The following PDE1C variants were observed in gnomAD, a reference collection of about 807,000 sequenced individuals.
PDE1C encodes dual specificity calcium/calmodulin-dependent 3',5'-cyclic nucleotide phosphodiesterase 1C.
A neutral mutation model predicts 93.1 loss-of-function variants in PDE1C; 62 were observed. The observed-to-expected ratio is 0.67, with a 90% CI of 0.54 to 0.82. The LOEUF is 0.82. Ranked by LOEUF, PDE1C falls within the 40% of genes least tolerant of loss-of-function variation. The probability of loss-of-function intolerance (pLI) is 0.00; values close to 1 mark genes in which losing one functional copy is unlikely to be tolerated. For missense variants in PDE1C, 742 were observed against 884.6 expected (o/e 0.84, Z 2.04); for synonymous variants, 325 against 310.1 (o/e 1.05, Z -0.50).
chr7:32,084,201 C>A (rs1179757121), intron 3 of PDE1C, among the ~76,000 whole-genome samples: 2 of 151,884 alleles, frequency 1.3e-5, no homozygotes, highest in African/African-American at 4.8e-5. Flanking sequence ...GGGTTGCAAT[C>A]CTAGTCTCTG....
chr7:32,279,407 A>C (rs1422459358), intron 1 of PDE1C, among the ~76,000 whole-genome samples: 1 of 152,122 alleles, frequency 6.6e-6, no homozygotes, highest in East Asian at 1.9e-4. Flanking sequence ...ATTGCACAGT[A>C]GGGTGATTGT....
At chr7:31,846,233 C>CTTTTTTTTTTTTT (rs371624212) in intron 9 of PDE1C, among the ~76,000 whole-genome samples, 1 of 129,964 alleles carries the variant, frequency 7.7e-6, no homozygotes. Flanking sequence ...CTTTTTTTTT[C>CTTTTTTTTTTTTT]TTTTTTTTTT....
At chr7:32,388,554 T>A (rs1470099047) in intron 1 of PDE1C, among the ~76,000 whole-genome samples, 1 of 151,644 alleles carries the variant, frequency 6.6e-6, no homozygotes, top group Non-Finnish European at 1.5e-5. Context: ...GGGGTGCACA[T>A]CTGTAGTCCC....
At chr7:32,293,350 C>T (rs1812450809) in intron 1 of PDE1C, among the ~76,000 whole-genome samples, 1 of 152,082 alleles carries the variant, frequency 6.6e-6, no homozygotes, top group South Asian at 2.1e-4. Flanking sequence ...AAAGCGGGCA[C>T]TCTAATTGTT....
At chr7:32,091,769 T>A (rs1025791732) in intron 3 of PDE1C, among the ~76,000 whole-genome samples, 6 of 152,212 alleles carry the variant, frequency 3.9e-5, no homozygotes, top group African/African-American at 1.4e-4. Context: ...GAGGACTCAT[T>A]GCAAGACTTG....
At chr7:32,044,032 T>C (rs1212152793) in intron 2 of PDE1C, among the ~76,000 whole-genome samples, 1 of 152,184 alleles carries the variant, frequency 6.6e-6, no homozygotes, top group Non-Finnish European at 1.5e-5. Context: ...TCAATGCACA[T>C]TTAATAAAGA....
chr7:31,621,279 A>G, the PDE1C span, among the ~76,000 whole-genome samples: 2 of 97,938 alleles, frequency 2.0e-5, no homozygotes, highest in Non-Finnish European at 2.1e-5. Flanking sequence ...ACTCCTCGAG[A>G]AGAGCAACTC....
the PDE1C span, chr7:31,643,964 A>T: frequency 6.3e-7 from 1 of 1,587,490 alleles, no homozygotes; most frequent in Non-Finnish European, 8.6e-7. Flanking sequence ...GTAAGTGTTC[A>T]CCCTGGCAAA....
intron 3 of PDE1C, among the ~76,000 whole-genome samples, chr7:32,086,299 G>A (rs1182573354): frequency 6.6e-6 from 1 of 151,958 alleles, no homozygotes. Flanking sequence ...ACTTACCAGG[G>A]ACATGAAGGA....
At chr7:32,033,857 T>C (rs565513833) in intron 2 of PDE1C, among the ~76,000 whole-genome samples, 1 of 152,266 alleles carries the variant, frequency 6.6e-6, no homozygotes, top group South Asian at 2.1e-4. Flanking sequence ...GACCTGGACA[T>C]TTAAATTCAT....
chr7:31,652,187 A>C, the PDE1C span: 9 of 754,660 alleles, frequency 1.2e-5, no homozygotes, highest in East Asian at 2.4e-4. Context: ...TATACAGAGA[A>C]GTACTTTGGT....
chr7:32,002,557 C>T (rs116694597), intron 2 of PDE1C, among the ~76,000 whole-genome samples: 281 of 149,150 alleles, frequency 1.9e-3, no homozygotes, highest in African/African-American at 5.9e-3. Flanking sequence ...ATTAGAACAG[C>T]GCCTGACATA....
the PDE1C span, among the ~76,000 whole-genome samples, chr7:31,640,312 T>C: frequency 6.6e-6 from 1 of 152,176 alleles, no homozygotes; most frequent in African/African-American, 2.4e-5. Context: ...ATGGTTCTCT[T>C]CCCAGCTTTT....
intron 2 of PDE1C, among the ~76,000 whole-genome samples, chr7:32,199,536 T>C (rs951978050): frequency 4.6e-5 from 7 of 152,218 alleles, no homozygotes; most frequent in African/African-American, 1.4e-4. Context: ...TGGTTCATTA[T>C]CTCTCCTTTT....
Position 31,815,999 on chromosome 7 carries a change from G to A in PDE1C, c.1738C>T (p.Arg580Trp), listed in dbSNP as rs761230935. 33 of 1,613,818 alleles carry A rather than the reference G, an allele frequency of 2.0e-5. No homozygotes were observed. Among genetic ancestry groups the A allele is most frequent in the South Asian group, 7.7e-5 (7 of 91,084 alleles). Residue 580 changes from arginine to tryptophan, a missense_variant, in exon 15 of 18, where the codon CGG becomes TGG. Arg to Trp is a moderately radical substitution (Grantham distance 101). Around this residue, in one of 4 missense-constraint regions of PDE1C, gnomAD observed 454 missense variants for 459.4 expected, o/e 0.99. Coordinates refer to ENST00000396191, the MANE Select transcript of PDE1C (RefSeq NM_001191057.4). The part of the protein sequence containing the change: ...GETKNQVNGT[R>W]ANKSDNPRGK... ...CGAGGGTTGTCACTTTTGTTTGCCCGTGTTCCATTGACTTGATTCTTAGTT... is the reference window on the plus strand; with the variant it reads ...CGAGGGTTGTCACTTTTGTTTGCCCATGTTCCATTGACTTGATTCTTAGTT...
At chr7:32,316,447 C>A (rs371095287) in intron 1 of PDE1C, among the ~76,000 whole-genome samples, 10 of 152,276 alleles carry the variant, frequency 6.6e-5, no homozygotes, top group African/African-American at 2.4e-4. Context: ...TGCTACCATA[C>A]CACCAGCATG....
the PDE1C span, among the ~76,000 whole-genome samples, chr7:31,683,538 G>A: frequency 6.6e-6 from 1 of 151,982 alleles, no homozygotes; most frequent in African/African-American, 2.4e-5. Context: ...AAGACACAGT[G>A]CTCACTTACC....
intron 17 of PDE1C, among the ~76,000 whole-genome samples, chr7:31,758,590 C>G (rs1276552878): frequency 6.6e-6 from 1 of 152,184 alleles, no homozygotes; most frequent in Non-Finnish European, 1.5e-5. Context: ...CCTTAATACC[C>G]ATGCCAACTT....
At chr7:31,670,634 T>A in the PDE1C span, among the ~76,000 whole-genome samples, 2 of 152,214 alleles carry the variant, frequency 1.3e-5, no homozygotes, top group South Asian at 4.1e-4. Context: ...GTCCTGTCTC[T>A]AAACTGGTAT....
Sources: allele counts gnomAD v4.1 joint callset (sites outside exome capture counted in the v4.1 genomes callset), GRCh38; gene constraint gnomAD v4.1.1; regional missense constraint gnomAD v4.1.1; transcripts MANE v1.5; gene names NCBI Gene and HGNC (gene_info 2026-07-23, HGNC 2026-07-21).